Variants in EXOC6B observed in about 807,000 individuals in gnomAD.
EXOC6B encodes exocyst complex component 6B, also known as SEC15 homolog B.
A neutral mutation model predicts 113.5 loss-of-function variants in EXOC6B; 54 were observed. The ratio of observed to expected loss-of-function variants is 0.48; its 90% CI spans 0.38 to 0.60. The LOEUF is 0.60. Ranked by LOEUF, EXOC6B falls within the 20% of genes least tolerant of loss-of-function variation. EXOC6B has a pLI of 0.00. For synonymous variants in EXOC6B, 357 were observed against 339.0 expected (o/e 1.05, Z -0.58); for missense variants, 797 against 977.5 (o/e 0.82, Z 2.46).
At chr2:72,554,034 G>A (rs1337243429) in intron 8 of EXOC6B, among the ~76,000 whole-genome samples, 1 of 152,172 alleles carries the variant, frequency 6.6e-6, no homozygotes, top group Non-Finnish European at 1.5e-5. Context: ...CAGCTTATAA[G>A]TGGATATTTG....
chr2:72,822,623 A>T lies in EXOC6B; in HGVS notation c.113+3175T>A, dbSNP rs80311693. 1.1e-3 allele frequency among the ~76,000 whole-genome samples: 174 copies of T among 152,286 alleles called. 2 individuals are homozygous for T. In the East Asian group the frequency reaches 0.022, roughly 19 times the overall value. On this transcript the variant is annotated intron_variant, in intron 1 of 21. Transcript: ENST00000272427. ...TACACAAATAATAGCTGGCAAAGGA[A>T]AGAGTCTGGTTAGGCAATACAGCCA...
chr2:72,424,352 C>T (rs1257621650), intron 18 of EXOC6B, among the ~76,000 whole-genome samples: 2 of 151,780 alleles, frequency 1.3e-5, no homozygotes, highest in Non-Finnish European at 2.9e-5. Context: ...ATTCATTTAA[C>T]CCACATTTTC....
intron 1 of EXOC6B, among the ~76,000 whole-genome samples, chr2:72,782,982 A>G (rs1167938674): frequency 6.6e-6 from 1 of 152,220 alleles, no homozygotes; most frequent in Admixed American, 6.5e-5. Flanking sequence ...GCAAAACAGC[A>G]TGGAAGTGCA....
At chr2:72,252,977 AT>A (rs1428256812) in intron 20 of EXOC6B, among the ~76,000 whole-genome samples, 4 of 152,218 alleles carry the variant, frequency 2.6e-5, no homozygotes, top group African/African-American at 4.8e-5. Flanking sequence ...CTCAAAAAAA[AT>A]ATCCAATCTA....
intron 8 of EXOC6B, among the ~76,000 whole-genome samples, chr2:72,521,873 T>A (rs1701506888): frequency 6.6e-6 from 1 of 152,162 alleles, no homozygotes; most frequent in South Asian, 2.1e-4. Flanking sequence ...ATTTTTTGTA[T>A]TTTCAGTAGA....
chr2:72,179,208 G>A lies in EXOC6B; in HGVS notation c.*127C>T. 9.5e-7 allele frequency: 1 copy of A among 1,057,780 alleles called. No individual in the cohort carries two copies. The highest frequency in any genetic ancestry group is 1.3e-6 in the Non-Finnish European group (1 of 749,272). 65.5% of individuals were successfully genotyped at this position (1,057,780 alleles called of 1,614,324 possible). ...GGAAATGTTATGTGAATACTGCACAGGGGTTAATAAAAAAATACATATGCT... is the reference window on the plus strand; with the variant it reads ...GGAAATGTTATGTGAATACTGCACAAGGGTTAATAAAAAAATACATATGCT... On this transcript the variant is annotated 3_prime_UTR_variant, in exon 22 of 22. Coordinates refer to ENST00000272427, the MANE Select transcript of EXOC6B (RefSeq NM_015189.3).
intron 17 of EXOC6B, among the ~76,000 whole-genome samples, chr2:72,472,738 T>C (rs994985438): frequency 6.6e-6 from 1 of 152,148 alleles, no homozygotes; most frequent in African/African-American, 2.4e-5. Context: ...ATTTGGTTTG[T>C]TGCTGCTTTC....
At chr2:72,692,543 G>A (rs1415001080) in intron 6 of EXOC6B, among the ~76,000 whole-genome samples, 1 of 151,928 alleles carries the variant, frequency 6.6e-6, no homozygotes, top group African/African-American at 2.4e-5. Context: ...AGAAGAGACG[G>A]GGTTTCACCA....
At chr2:72,436,097 T>C (rs1011438868) in intron 18 of EXOC6B, among the ~76,000 whole-genome samples, 1 of 152,264 alleles carries the variant, frequency 6.6e-6, no homozygotes, top group Non-Finnish European at 1.5e-5. Flanking sequence ...GGTCTGGTAG[T>C]GACAAAATCC....
chr2:72,764,213 T>C (rs1682920354), intron 1 of EXOC6B, among the ~76,000 whole-genome samples: 1 of 152,098 alleles, frequency 6.6e-6, no homozygotes, highest in Non-Finnish European at 1.5e-5. Flanking sequence ...TCCTCTCCTC[T>C]CAATACTTAT....
chr2:72,732,155 G>A (rs1305295063), intron 3 of EXOC6B, among the ~76,000 whole-genome samples: 1 of 152,038 alleles, frequency 6.6e-6, no homozygotes, highest in Non-Finnish European at 1.5e-5. Flanking sequence ...TTTTTTTATG[G>A]TGGGGGGATA....
chr2:72,296,324 C>T (rs905159461), intron 20 of EXOC6B, among the ~76,000 whole-genome samples: 13 of 151,966 alleles, frequency 8.6e-5, no homozygotes, highest in African/African-American at 2.4e-4. Flanking sequence ...AAAAAGCCTT[C>T]GAGTTGCCAA....
chr2:72,218,224 C>T (rs949686198), intron 20 of EXOC6B, among the ~76,000 whole-genome samples: 21 of 152,204 alleles, frequency 1.4e-4, no homozygotes, highest in Non-Finnish European at 2.4e-4. Context: ...TGCAAAGTGG[C>T]AACTTAGCGT....
intron 6 of EXOC6B, among the ~76,000 whole-genome samples, chr2:72,623,644 C>A (rs1335171158): frequency 6.6e-6 from 1 of 152,088 alleles, no homozygotes; most frequent in Admixed American, 6.5e-5. Context: ...ATATCTGCTC[C>A]CATAATGTTT....
intron 1 of EXOC6B, among the ~76,000 whole-genome samples, chr2:72,801,589 G>A (rs540181852): frequency 3.3e-5 from 5 of 152,220 alleles, no homozygotes; most frequent in Non-Finnish European, 5.9e-5. Context: ...TAAATAATGC[G>A]TCTGTCATCT....
At chr2:72,638,846 G>A (rs1472364965) in intron 6 of EXOC6B, among the ~76,000 whole-genome samples, 3 of 152,106 alleles carry the variant, frequency 2.0e-5, no homozygotes, top group African/African-American at 7.2e-5. Context: ...TTAGCCCTAG[G>A]GGTCCTGAAC....
intron 20 of EXOC6B, among the ~76,000 whole-genome samples, chr2:72,192,966 A>G (rs1226463127): frequency 6.6e-6 from 1 of 152,238 alleles, no homozygotes; most frequent in Non-Finnish European, 1.5e-5. Context: ...ACCTCTTCAG[A>G]GCATGGCCAC....
Position 72,775,243 on chromosome 2 carries a change from G to A in EXOC6B, c.114-33774C>T, listed in dbSNP as rs141428578. Reference sequence around the variant, plus strand: ...CTCTCTCCCCTCCCTGGAGGTTGGGGGAAGAAGTTGAGTATTCCAACCCTC... The same window carrying A: ...CTCTCTCCCCTCCCTGGAGGTTGGGAGAAGAAGTTGAGTATTCCAACCCTC... On this transcript the variant is annotated intron_variant, in intron 1 of 21. Transcript: ENST00000272427. Among the ~76,000 whole-genome samples the A allele has an allele frequency of 1.4e-3, 217 of 152,268 alleles. 1 individual carries two copies. The highest frequency in any genetic ancestry group is 5.1e-3 in the African/African-American group (210 of 41,550).
chr2:72,709,232 T>C (rs1379694488), intron 6 of EXOC6B, among the ~76,000 whole-genome samples: 1 of 152,148 alleles, frequency 6.6e-6, no homozygotes, highest in Non-Finnish European at 1.5e-5. Flanking sequence ...TGTATTTCTC[T>C]ATATTTCAGT....
Sources: allele counts gnomAD v4.1 joint callset (sites outside exome capture counted in the v4.1 genomes callset), GRCh38; gene constraint gnomAD v4.1.1; transcripts MANE v1.5; gene names NCBI Gene and HGNC (gene_info 2026-07-23, HGNC 2026-07-21).